GALNT5: variants seen among roughly 807,000 people sequenced by gnomAD.
GALNT5 encodes the protein polypeptide N-acetylgalactosaminyltransferase 5, also known as UDP-GalNAc:polypeptide N-acetylgalactosaminyltransferase 5.
GALNT5 carries 72 observed loss-of-function variants against 85.4 expected under a neutral mutation model. The ratio of observed to expected loss-of-function variants is 0.84; its 90% CI spans 0.70 to 1.03. The LOEUF (loss-of-function observed/expected upper bound fraction) is 1.03. GALNT5 is among the 50% of genes least tolerant of loss of function. The probability of loss-of-function intolerance (pLI) is 0.00; values close to 1 mark genes in which losing one functional copy is unlikely to be tolerated. For missense variants in GALNT5, 1,137 were observed against 1,135.5 expected (o/e 1.00, Z -0.02); for synonymous variants, 404 against 397.0 (o/e 1.02, Z -0.21).
At position 157,299,655 on chromosome 2, in the gene GALNT5, T is replaced by G. The variant is rs141100838; in HGVS notation, c.2105T>G (p.Leu702Arg). Residue 702 changes from leucine to arginine, a missense_variant, in exon 6 of 10, where the codon CTC becomes CGC. Coordinates refer to ENST00000259056, the MANE Select transcript of GALNT5 (RefSeq NM_014568.3). ...GTTTGGGGTGGGGAAAATATGGAGC[T>G]CTCATTCAAGGTATTACCAGGTGTT... is the stretch of plus-strand genomic sequence containing the variant. Reference protein sequence around the residue: ...LDVWGGENMELSFKVWMCGGE... With the variant: ...LDVWGGENMERSFKVWMCGGE... The G allele has an allele frequency of 2.1e-5, 33 of 1,577,472 alleles. 1 individual carries two copies. The African/African-American group carries it at 3.1e-4, about 15-fold the overall frequency.
rs747270993 is a variant in GALNT5, at chr2:157,259,407, G to T, written c.1325G>T (p.Gly442Val). ...PRDPKAPGQF[G>V]RPVVVPHGKE... ...GACCCCAAAGCTCCAGGGCAGTTTGGGCGTCCTGTAGTTGTCCCCCATGGA... is the reference window on the plus strand; with the variant it reads ...GACCCCAAAGCTCCAGGGCAGTTTGTGCGTCCTGTAGTTGTCCCCCATGGA... The change falls in exon 1 of 10, where the codon GGG becomes GTG. Residue 442 changes from glycine to valine, a missense_variant. Transcript: ENST00000259056. 1 of 1,500,304 alleles carries T rather than the reference G, an allele frequency of 6.7e-7. No individual in the cohort carries two copies. Among genetic ancestry groups the T allele is most frequent in the Admixed American group, 2.2e-5 (1 of 46,246 alleles). The allele number at this position is 1,500,304 out of a possible 1,614,324, so 92.9% of individuals were successfully genotyped here.
chr2:157,308,218 C>G (rs1045226771), intron 8 of GALNT5, among the ~76,000 whole-genome samples: 3 of 152,178 alleles, frequency 2.0e-5, no homozygotes, highest in African/African-American at 4.8e-5. Flanking sequence ...ATTCAGAACA[C>G]TGAAATGACA....
chr2:157,288,816 G>C (rs963469116), intron 3 of GALNT5, among the ~76,000 whole-genome samples: 1 of 152,196 alleles, frequency 6.6e-6, no homozygotes, highest in African/African-American at 2.4e-5. Context: ...GGCTACTATA[G>C]TTGTCCAAGT....
At chr2:157,299,526 A>C in intron 5 of GALNT5, 22 bp from the exon 6 acceptor site, 1 of 1,464,912 alleles carries the variant, frequency 6.8e-7, no homozygotes, top group Non-Finnish European at 9.6e-7. Context: ...CAAGTTTAAA[A>C]AACAAACTTT....
intron 9 of GALNT5, among the ~76,000 whole-genome samples, chr2:157,310,628 A>G (rs548137790): frequency 6.6e-6 from 1 of 152,300 alleles, no homozygotes; most frequent in African/African-American, 2.4e-5. Flanking sequence ...GGTCTATCTA[A>G]TTTATCTACC....
chr2:157,293,040 G>A (rs936004729), intron 3 of GALNT5, among the ~76,000 whole-genome samples: 1 of 152,136 alleles, frequency 6.6e-6, no homozygotes, highest in Non-Finnish European at 1.5e-5. Context: ...CACTAGCCAA[G>A]TGGACTTTAG....
intron 7 of GALNT5, 86 bp downstream of exon 7, chr2:157,301,085 T>G: frequency 1.1e-6 from 1 of 930,542 alleles, no homozygotes; most frequent in East Asian, 2.4e-5. Flanking sequence ...GAATGAGTAA[T>G]TACATTATAA....
chr2:157,311,766 AT>A lies in GALNT5; in HGVS notation c.*424del, dbSNP rs888929243. On this transcript the variant is annotated 3_prime_UTR_variant, in exon 10 of 10. Transcript: ENST00000259056. ...ACTTAACTTAGTCCTTTATTTGGGG[AT>A]TTTTTCATCAAACAAAAATTTCTTG... 6.5e-6 allele frequency: 1 copy of A among 153,684 alleles called. No homozygotes were observed. The highest frequency in any genetic ancestry group is 2.4e-5 in the African/African-American group (1 of 41,458). 9.5% of individuals were successfully genotyped at this position (153,684 alleles called of 1,614,324 possible).
chr2:157,261,919 GATA>G (rs1337966081), intron 1 of GALNT5, among the ~76,000 whole-genome samples: 4 of 151,910 alleles, frequency 2.6e-5, no homozygotes, highest in Non-Finnish European at 5.9e-5. Context: ...GATTTTTTAA[GATA>G]ATAAGTTTTC....
chr2:157,316,176 G>A lies in GALNT5; in HGVS notation c.*4828G>A, dbSNP rs759955121. On this transcript the variant is annotated 3_prime_UTR_variant, in exon 10 of 10. Coordinates refer to ENST00000259056, the MANE Select transcript of GALNT5 (RefSeq NM_014568.3). Reference sequence around the variant, plus strand: ...CACACACCTGGTGACAAGGAAAAGGGAGCAGGAATCACCATATTGAATGTG... The same window carrying A: ...CACACACCTGGTGACAAGGAAAAGGAAGCAGGAATCACCATATTGAATGTG... 1.1e-4 allele frequency among the ~76,000 whole-genome samples: 17 copies of A among 151,924 alleles called. No homozygotes were observed. Among genetic ancestry groups the A allele is most frequent in the Non-Finnish European group, 1.8e-4 (12 of 67,988 alleles).
At chr2:157,284,247 C>T (rs768470109) in intron 1 of GALNT5, 35 bp from the exon 2 acceptor site, 1 of 1,594,508 alleles carries the variant, frequency 6.3e-7, no homozygotes, top group South Asian at 1.1e-5. Flanking sequence ...ATCTCCTTAG[C>T]ACATCTCTTG....
In GALNT5 at chr2:157,257,714, C is replaced by A. The variant is rs940320540; in HGVS notation, c.-369C>A. 1 of 223,230 alleles carries A rather than the reference C, an allele frequency of 4.5e-6. No homozygotes were observed. Among genetic ancestry groups the A allele is most frequent in the Non-Finnish European group, 8.9e-6 (1 of 112,706 alleles). The allele number at this position is 223,230 out of a possible 1,614,324, so 13.8% of individuals were successfully genotyped here. A position where few individuals can be genotyped will look rare whatever the true frequency, so the allele number is the denominator to read the frequency against. The stretch of plus-strand genomic sequence containing the variant: ...GAGAAACGGCAGTCTCAATCTGGCC[C>A]CCACCTTTTCTTGGGCTTGTAGGAA... On this transcript the variant is annotated 5_prime_UTR_variant, in exon 1 of 10. Transcript: ENST00000259056.
chr2:157,298,850 A>T (rs1683273711), intron 5 of GALNT5: 1 of 152,378 alleles, frequency 6.6e-6, no homozygotes, highest in African/African-American at 2.4e-5. Flanking sequence ...TCCTTGGGAA[A>T]GTTTCTTACC....
chr2:157,264,939 T>C (rs535820643), intron 1 of GALNT5, among the ~76,000 whole-genome samples: 5 of 152,278 alleles, frequency 3.3e-5, no homozygotes, highest in South Asian at 2.1e-4. Flanking sequence ...TTGTGACTAA[T>C]AGTGATTGGA....
At chr2:157,270,724 C>G (rs970937233) in intron 1 of GALNT5, among the ~76,000 whole-genome samples, 2 of 152,086 alleles carry the variant, frequency 1.3e-5, no homozygotes, top group African/African-American at 4.8e-5. Context: ...TTGTCCTACC[C>G]TCAGAAAATT....
At chr2:157,278,900 G>A (rs1025619200) in intron 1 of GALNT5, among the ~76,000 whole-genome samples, 1 of 152,096 alleles carries the variant, frequency 6.6e-6, no homozygotes, top group African/African-American at 2.4e-5. Flanking sequence ...GAGGTGCTCT[G>A]GTTTTTAGGA....
intron 9 of GALNT5, among the ~76,000 whole-genome samples, chr2:157,310,424 T>C (rs16841584): frequency 0.022 from 3,331 of 152,292 alleles, 120 homozygotes; most frequent in African/African-American, 0.076. Flanking sequence ...TACTCAAGCA[T>C]CGTATTTCCA....
At chr2:157,290,095 A>G (rs1285931014) in intron 3 of GALNT5, among the ~76,000 whole-genome samples, 1 of 136,214 alleles carries the variant, frequency 7.3e-6, no homozygotes, top group Non-Finnish European at 1.5e-5. Context: ...ATGTATATAT[A>G]TATATATATA....
chr2:157,263,707 T>A (rs1682398340), intron 1 of GALNT5, among the ~76,000 whole-genome samples: 1 of 152,228 alleles, frequency 6.6e-6, no homozygotes, highest in Non-Finnish European at 1.5e-5. Context: ...GAAATGATTT[T>A]TGAAAATTGA....
Sources: gnomAD v4.1 joint callset for allele counts (sites outside exome capture counted in the v4.1 genomes callset) on GRCh38, gnomAD v4.1.1 for gene constraint, MANE v1.5 for transcripts, NCBI Gene and HGNC (gene_info 2026-07-23, HGNC 2026-07-21) for gene names.